The following CTNNBL1 variants were observed in gnomAD, a reference collection of about 807,000 sequenced individuals.
CTNNBL1 encodes beta-catenin-like protein 1.
CTNNBL1 carries 31 observed loss-of-function variants against 72.7 expected under a neutral mutation model. The observed-to-expected ratio is 0.43, with a 90% CI of 0.32 to 0.58. CTNNBL1 has a LOEUF of 0.58. CTNNBL1 is among the 20% of genes least tolerant of loss of function. The probability of loss-of-function intolerance (pLI) is 0.08; values close to 1 mark genes in which losing one functional copy is unlikely to be tolerated. For missense variants in CTNNBL1, 534 were observed against 725.1 expected (o/e 0.74, Z 3.03); for synonymous variants, 240 against 267.3 (o/e 0.90, Z 1.00).
chr20:37,808,769 A>C (rs147720871), intron 11 of CTNNBL1, among the ~76,000 whole-genome samples: 2 of 151,890 alleles, frequency 1.3e-5, no homozygotes, highest in East Asian at 3.9e-4. Flanking sequence ...CTCACTCCCT[A>C]CCTCTGGTTG....
chr20:37,813,448 A>G (rs1278128832), intron 11 of CTNNBL1, among the ~76,000 whole-genome samples: 1 of 152,198 alleles, frequency 6.6e-6, no homozygotes, highest in Non-Finnish European at 1.5e-5. Flanking sequence ...GGTCATAGGT[A>G]TAGTACTAAT....
intron 10 of CTNNBL1, among the ~76,000 whole-genome samples, chr20:37,785,155 A>G (rs1352920296): frequency 1.3e-5 from 2 of 151,996 alleles, no homozygotes; most frequent in Admixed American, 6.5e-5. Context: ...TCCATTGTAT[A>G]TATTATTTCT....
At chr20:37,833,766 T>C (rs988963296) in intron 11 of CTNNBL1, among the ~76,000 whole-genome samples, 2 of 152,194 alleles carry the variant, frequency 1.3e-5, no homozygotes, top group Non-Finnish European at 2.9e-5. Flanking sequence ...ATAAACCTGT[T>C]ATCTTGCCTG....
intron 4 of CTNNBL1, among the ~76,000 whole-genome samples, chr20:37,748,438 T>C (rs1347721125): frequency 6.6e-6 from 1 of 152,176 alleles, no homozygotes; most frequent in Non-Finnish European, 1.5e-5. Context: ...GAGCTCAGTG[T>C]ATGGTCTCAT....
intron 11 of CTNNBL1, among the ~76,000 whole-genome samples, chr20:37,807,031 C>T (rs1234820903): frequency 1.3e-5 from 2 of 152,160 alleles, no homozygotes; most frequent in East Asian, 3.9e-4. Flanking sequence ...TGGTTTGCCT[C>T]TTTAAGTCCA....
chr20:37,823,847 G>A (rs1971424912), intron 11 of CTNNBL1, among the ~76,000 whole-genome samples: 1 of 152,174 alleles, frequency 6.6e-6, no homozygotes, highest in South Asian at 2.1e-4. Flanking sequence ...CTGAGCCTTC[G>A]TGCTCAGCCT....
intron 6 of CTNNBL1, among the ~76,000 whole-genome samples, chr20:37,765,952 C>T (rs893242583): frequency 1.3e-5 from 2 of 152,132 alleles, no homozygotes; most frequent in Non-Finnish European, 2.9e-5. Flanking sequence ...CTCTTTATTA[C>T]TGGTCACTGT....
At chr20:37,829,287 C>T (rs938211680) in intron 11 of CTNNBL1, among the ~76,000 whole-genome samples, 1 of 152,134 alleles carries the variant, frequency 6.6e-6, no homozygotes, top group Non-Finnish European at 1.5e-5. Flanking sequence ...TTAAAGTGGC[C>T]CTGCAAGATC....
rs189369711 is a variant in CTNNBL1 at position 37,785,164 on chromosome 20, C to A, written c.1031+5829C>A. 2.0e-5 allele frequency among the ~76,000 whole-genome samples: 3 copies of A among 152,228 alleles called. No homozygotes were observed. In the East Asian group the frequency reaches 5.8e-4, roughly 29 times the overall value. On this transcript the variant is annotated intron_variant, in intron 10 of 15. Transcript: ENST00000361383. ...TGGAACTCCATTGTATATATTATTT[C>A]TTTTCTCTTGCTGCTTTTAGGATCC... is the stretch of plus-strand genomic sequence containing the variant.
intron 5 of CTNNBL1, among the ~76,000 whole-genome samples, chr20:37,759,774 A>G (rs113478147): frequency 0.053 from 8,102 of 152,278 alleles, 286 homozygotes; most frequent in Middle Eastern, 0.065. Context: ...AGTAAATATC[A>G]GAGAACAGAA....
At chr20:37,759,621 T>G (rs1235294738) in intron 5 of CTNNBL1, among the ~76,000 whole-genome samples, 2 of 152,110 alleles carry the variant, frequency 1.3e-5, no homozygotes, top group African/African-American at 4.8e-5. Flanking sequence ...TTTAGTTTAG[T>G]TTTTATTTTT....
rs548237340 is a variant in CTNNBL1 at position 37,765,187 on chromosome 20, A to G, written c.565-10A>G. 11 of 1,547,668 alleles carry G rather than the reference A, an allele frequency of 7.1e-6. No homozygotes were observed. The East Asian group carries it at 1.2e-4, about 17-fold the overall frequency. On this transcript the variant is annotated splice_polypyrimidine_tract_variant and intron_variant, in intron 5 of 15. Transcript: ENST00000361383. ...CATCCCTCTCTCCTTTTGCTTCGCTATTCTTGCAGGTGGATGGGCAGGTGG... is the reference window on the plus strand; with the variant it reads ...CATCCCTCTCTCCTTTTGCTTCGCTGTTCTTGCAGGTGGATGGGCAGGTGG...
chr20:37,767,980 G>T lies in CTNNBL1; in HGVS notation c.686G>T (p.Arg229Leu), dbSNP rs746327161. 6.2e-7 allele frequency: 1 copy of T among 1,613,886 alleles called. No individual in the cohort carries two copies. Among genetic ancestry groups the T allele is most frequent in the Admixed American group, 1.7e-5 (1 of 59,994 alleles). ...LAIVENMAEFRPEMCTEGAQQ... is the reference protein window; with the variant it reads ...LAIVENMAEFLPEMCTEGAQQ... ...ATTGTGGAAAACATGGCTGAGTTCC[G>T]GCCTGAGATGTGTACAGAGGGTGCC... Residue 229 changes from arginine to leucine, a missense_variant, in exon 7 of 16, where the codon CGG (arginine) becomes CTG (leucine). Coordinates refer to ENST00000361383, the MANE Select transcript of CTNNBL1 (RefSeq NM_030877.5).
intron 11 of CTNNBL1, among the ~76,000 whole-genome samples, chr20:37,830,960 C>T (rs902828866): frequency 3.9e-5 from 6 of 152,162 alleles, no homozygotes; most frequent in African/African-American, 1.4e-4. Flanking sequence ...AAAAATAAGT[C>T]AAGCCATCAT....
chr20:37,779,475 T>TGG, intron 10 of CTNNBL1, 140 bp downstream of exon 10: 1 of 872,394 alleles, frequency 1.1e-6, no homozygotes, highest in Non-Finnish European at 1.8e-6. Flanking sequence ...TCTTCAGGCA[T>TGG]GGGGGGATGT....
At chr20:37,854,001 A>G (rs905719961) in intron 13 of CTNNBL1, among the ~76,000 whole-genome samples, 1 of 152,244 alleles carries the variant, frequency 6.6e-6, no homozygotes, top group African/African-American at 2.4e-5. Flanking sequence ...TGCATGTTCA[A>G]TGCAGCAATG....
chr20:37,785,744 T>TA (rs1193575851), intron 10 of CTNNBL1, among the ~76,000 whole-genome samples: 3 of 152,246 alleles, frequency 2.0e-5, no homozygotes, highest in Admixed American at 6.5e-5. Flanking sequence ...GTCACTGGTC[T>TA]CTTACTTAGT....
chr20:37,703,051 A>G (rs887647486), intron 1 of CTNNBL1, among the ~76,000 whole-genome samples: 6 of 152,108 alleles, frequency 3.9e-5, no homozygotes, highest in Admixed American at 2.0e-4. Flanking sequence ...CTTTATTATC[A>G]TATCTTGCCA....
chr20:37,767,885 G>T, intron 6 of CTNNBL1, 68 bp from the exon 7 acceptor site: 1 of 1,279,948 alleles, frequency 7.8e-7, no homozygotes, highest in Non-Finnish European at 1.1e-6. Context: ...GCCTGTCATG[G>T]GAAGCAAGCT....
Sources: gnomAD v4.1 joint callset for allele counts (sites outside exome capture counted in the v4.1 genomes callset) on GRCh38, gnomAD v4.1.1 for gene constraint, MANE v1.5 for transcripts, NCBI Gene and HGNC (gene_info 2026-07-23, HGNC 2026-07-21) for gene names.